The following CSMD1 variants were observed in gnomAD, a reference collection of about 807,000 sequenced individuals.
CSMD1 encodes the protein CUB and Sushi multiple domains 1.
In CSMD1, 213 loss-of-function variants were observed where a neutral mutation model predicts 417.5. The ratio of observed to expected loss-of-function variants is 0.51; its 90% CI spans 0.46 to 0.57. CSMD1 has a LOEUF of 0.57. Ranked by LOEUF, CSMD1 falls within the 20% of genes least tolerant of loss-of-function variation. The pLI, the probability that CSMD1 is intolerant of heterozygous loss-of-function variation, is 0.00. For missense variants in CSMD1, 6,923 were observed against 4,529.7 expected (o/e 1.53, Z -15.17); for synonymous variants, 2,862 against 1,736.8 (o/e 1.65, Z -16.11).
intron 12 of CSMD1, among the ~76,000 whole-genome samples, chr8:3,414,919 C>G (rs185406730): frequency 1.1e-3 from 170 of 152,270 alleles, no homozygotes; most frequent in African/African-American, 3.7e-3. Flanking sequence ...TAGCACCACT[C>G]TCTTTTCTGC....
intron 3 of CSMD1, among the ~76,000 whole-genome samples, chr8:4,102,631 C>T (rs967736835): frequency 2.0e-5 from 3 of 152,136 alleles, no homozygotes; most frequent in Admixed American, 1.3e-4. Flanking sequence ...CTGTTCTTGG[C>T]CTTTTAAATG....
intron 23 of CSMD1, among the ~76,000 whole-genome samples, chr8:3,309,373 T>G (rs1805149579): frequency 6.8e-6 from 1 of 147,314 alleles, no homozygotes. Context: ...CTCCTGATGG[T>G]GCATGGTTAT....
At chr8:4,166,542 G>C (rs1247723614) in intron 3 of CSMD1, among the ~76,000 whole-genome samples, 2 of 152,160 alleles carry the variant, frequency 1.3e-5, no homozygotes, top group Non-Finnish European at 2.9e-5. Context: ...ATTTATAAGT[G>C]GGAGCTAAGC....
At chr8:4,775,223 T>G (rs1409371148) in intron 1 of CSMD1, among the ~76,000 whole-genome samples, 2 of 152,064 alleles carry the variant, frequency 1.3e-5, no homozygotes, top group African/African-American at 4.8e-5. Context: ...GACATATCAC[T>G]AAAATAGGAA....
chr8:4,355,792 C>G (rs1366176686), intron 3 of CSMD1, among the ~76,000 whole-genome samples: 1 of 152,160 alleles, frequency 6.6e-6, no homozygotes, highest in Non-Finnish European at 1.5e-5. Context: ...ACATGTGCTA[C>G]TAACCTGGCT....
chr8:3,705,457 G>A (rs575275100), intron 7 of CSMD1, among the ~76,000 whole-genome samples: 177 of 152,264 alleles, frequency 1.2e-3, no homozygotes, highest in African/African-American at 4.1e-3. Context: ...CTTCTTAACG[G>A]GGACAGCCTC....
rs79336415 is a variant in CSMD1, at chr8:4,924,903, C to T, written c.85+69429G>A. 9.3e-3 allele frequency among the ~76,000 whole-genome samples: 1,409 copies of T among 152,168 alleles called. 16 individuals are homozygous for T. The highest frequency in any genetic ancestry group is 0.032 in the African/African-American group (1,324 of 41,510). On this transcript the variant is annotated intron_variant, in intron 1 of 69. Coordinates refer to ENST00000635120, the MANE Select transcript of CSMD1 (RefSeq NM_033225.6). ...GCACAAGACAAAACTGGGATTTGAA[C>T]CCAAATCTTGTCTCTTCAAATCCCG...
At chr8:4,036,989 G>A (rs1460797735) in intron 3 of CSMD1, among the ~76,000 whole-genome samples, 1 of 150,990 alleles carries the variant, frequency 6.6e-6, no homozygotes, top group Non-Finnish European at 1.5e-5. Context: ...GTGTGTGTGT[G>A]TGTGTGTGAT....
chr8:4,098,232 T>C (rs1160503234), intron 3 of CSMD1, among the ~76,000 whole-genome samples: 1 of 152,204 alleles, frequency 6.6e-6, no homozygotes, highest in Non-Finnish European at 1.5e-5. Context: ...TAGAATCTAA[T>C]TATATTACAA....
intron 5 of CSMD1, among the ~76,000 whole-genome samples, chr8:3,791,262 C>G (rs191762628): frequency 1.1e-3 from 171 of 152,258 alleles, no homozygotes; most frequent in Middle Eastern, 6.8e-3. Context: ...ATATCCAAAG[C>G]ATGTATGATA....
chr8:4,216,472 G>C (rs1308393230), intron 3 of CSMD1, among the ~76,000 whole-genome samples: 1 of 152,142 alleles, frequency 6.6e-6, no homozygotes, highest in South Asian at 2.1e-4. Context: ...TTAGTAATTA[G>C]TAAAATTTTA....
intron 23 of CSMD1, among the ~76,000 whole-genome samples, chr8:3,329,224 C>G (rs1158017487): frequency 6.6e-6 from 1 of 152,082 alleles, no homozygotes; most frequent in African/African-American, 2.4e-5. Context: ...ACAGAGGAGG[C>G]TGAGCTAGGA....
intron 51 of CSMD1, among the ~76,000 whole-genome samples, chr8:3,022,270 C>T (rs1252260598): frequency 3.4e-5 from 4 of 117,484 alleles, no homozygotes; most frequent in African/African-American, 1.4e-4. Context: ...CGCAATCCCA[C>T]ATCCAGAGCA....
At chr8:3,063,368 G>T (rs917546269) in intron 49 of CSMD1, among the ~76,000 whole-genome samples, 1 of 152,150 alleles carries the variant, frequency 6.6e-6, no homozygotes, top group African/African-American at 2.4e-5. Flanking sequence ...ACAAAGATGT[G>T]ATAAAATTGA....
intron 12 of CSMD1, among the ~76,000 whole-genome samples, chr8:3,463,153 C>G (rs867254313): frequency 1.3e-5 from 2 of 152,184 alleles, no homozygotes; most frequent in African/African-American, 4.8e-5. Context: ...TTACGGCAAC[C>G]TGAATGAACT....
chr8:4,787,695 G>T, intron 1 of CSMD1: 4 of 1,591,120 alleles, frequency 2.5e-6, no homozygotes, highest in Non-Finnish European at 3.4e-6. Context: ...AAGTGGAGTT[G>T]TTTTTCAAGG....
At chr8:4,850,735 C>T (rs1176201878) in intron 1 of CSMD1, among the ~76,000 whole-genome samples, 1 of 152,024 alleles carries the variant, frequency 6.6e-6, no homozygotes, top group Non-Finnish European at 1.5e-5. Flanking sequence ...TGTGTGCACT[C>T]ATTGTTCCAG....
At chr8:4,744,823 C>A (rs942025469) in intron 1 of CSMD1, among the ~76,000 whole-genome samples, 2 of 151,962 alleles carry the variant, frequency 1.3e-5, no homozygotes, top group Admixed American at 6.6e-5. Context: ...CATAAAACAC[C>A]CATAAGAAAG....
At chr8:3,278,679 A>G (rs1233418635) in intron 26 of CSMD1, 1 of 152,096 alleles carries the variant, frequency 6.6e-6, no homozygotes, top group Non-Finnish European at 1.5e-5. Context: ...CCAGGTTCAT[A>G]AAGACAAAAA....
Sources: gnomAD v4.1 joint callset for allele counts (sites outside exome capture counted in the v4.1 genomes callset) on GRCh38, gnomAD v4.1.1 for gene constraint, MANE v1.5 for transcripts, NCBI Gene and HGNC (gene_info 2026-07-23, HGNC 2026-07-21) for gene names.